The following POLR1C variants were observed in gnomAD, a reference collection of about 807,000 sequenced individuals.
POLR1C encodes DNA-directed RNA polymerases I and III subunit RPAC1.
POLR1C carries 42 observed loss-of-function variants against 38.3 expected under a neutral mutation model. The observed-to-expected ratio is 1.10, with a 90% CI of 0.86 to 1.42. POLR1C has a LOEUF of 1.42. Among genes scored for constraint, POLR1C ranks in the 40% most tolerant of loss-of-function variants. POLR1C has a pLI of 0.00. For synonymous variants in POLR1C, 163 were observed against 163.9 expected (o/e 0.99, Z 0.04); for missense variants, 507 against 450.5 (o/e 1.13, Z -1.14).
intron 9 of POLR1C, among the ~76,000 whole-genome samples, chr6:43,536,619 C>T (rs1029912145): frequency 6.6e-6 from 1 of 150,908 alleles, no homozygotes; most frequent in Non-Finnish European, 1.5e-5. Flanking sequence ...ATTAGCCAGG[C>T]ATGGTGGCAC....
chr6:43,528,335 A>T (rs1793727884), intron 8 of POLR1C: 7 of 845,418 alleles, frequency 8.3e-6, no homozygotes, highest in Non-Finnish European at 1.3e-5. Flanking sequence ...CAACTTCTGT[A>T]GACTCCACAC....
downstream of POLR1C, chr6:43,530,895 A>G (rs1392804813): frequency 4.0e-6 from 6 of 1,512,762 alleles, no homozygotes; most frequent in Non-Finnish European, 5.3e-6. Context: ...CTGTCCCATG[A>G]ATTTCATTTC....
In POLR1C at chr6:43,521,363, C is replaced by G; in HGVS notation, c.*63C>G. ...CTGACTGACCCACCCTACAGGACTG[C>G]TGAACAGAGAGCCCAGTGTGACTAG... On this transcript the variant is annotated 3_prime_UTR_variant, in exon 9 of 9. Coordinates refer to ENST00000642195, the MANE Select transcript of POLR1C (RefSeq NM_203290.4). 1 of 1,610,328 alleles carries G rather than the reference C, an allele frequency of 6.2e-7. No individual in the cohort carries two copies. Among genetic ancestry groups the G allele is most frequent in the South Asian group, 1.1e-5 (1 of 90,450 alleles).
chr6:43,529,044 C>T (rs965479107), intron 8 of POLR1C: 15 of 1,125,714 alleles, frequency 1.3e-5, no homozygotes, highest in Non-Finnish European at 1.8e-5. Context: ...TCAAAAATAT[C>T]CTGTGTTAAC....
At chr6:43,532,501 C>T (rs750683556), downstream of POLR1C, among the ~76,000 whole-genome samples, 2 of 152,204 alleles carry the variant, frequency 1.3e-5, no homozygotes, top group Non-Finnish European at 2.9e-5. Context: ...CTAACTTCAT[C>T]CCACATTCCC....
In POLR1C at chr6:43,536,545, T is replaced by G. The variant is rs552348895; in HGVS notation, c.*4+7186T>G. Among the ~76,000 whole-genome samples the G allele has an allele frequency of 5.3e-5, 8 of 151,306 alleles. No homozygotes were observed. The South Asian group carries it at 1.7e-3, about 32-fold the overall frequency. On this transcript the variant is annotated intron_variant, in intron 9 of 10. Coordinates refer to the POLR1C transcript ENST00000607635. ...AAGCCGAGGTGGGTGGATCACGAGG[T>G]CAGGAGTTCAAGACCAGTCTCTGGC...
downstream of POLR1C, chr6:43,530,809 C>T: frequency 3.7e-6 from 6 of 1,610,422 alleles, no homozygotes; most frequent in Non-Finnish European, 5.1e-6. Flanking sequence ...GGCCTGCCTT[C>T]CCTAGGATAT....
chr6:43,549,796 C>A (rs41281822), intron 9 of POLR1C: 5 of 1,339,976 alleles, frequency 3.7e-6, no homozygotes, highest in Non-Finnish European at 4.2e-6. Context: ...ACCCTTACTA[C>A]CCCCTCCCAT....
downstream of POLR1C, among the ~76,000 whole-genome samples, chr6:43,529,880 C>T (rs2127705731): frequency 6.7e-6 from 1 of 148,152 alleles, no homozygotes; most frequent in South Asian, 2.1e-4. Context: ...CCACTGCATT[C>T]CTGCCTGGGT....
At chr6:43,548,448 T>C (rs776519144) in intron 9 of POLR1C, 1 of 1,565,244 alleles carries the variant, frequency 6.4e-7, no homozygotes, top group Non-Finnish European at 8.7e-7. Flanking sequence ...TTATAAAGCA[T>C]GTCAAAATTG....
intron 9 of POLR1C, chr6:43,539,617 G>A (rs1317629726): frequency 2.6e-5 from 36 of 1,373,790 alleles, no homozygotes; most frequent in South Asian, 1.9e-4. Context: ...TGCCACTGGC[G>A]AAACCTCTGC....
At chr6:43,534,568 C>T (rs916424270), downstream of POLR1C, among the ~76,000 whole-genome samples, 5 of 152,186 alleles carry the variant, frequency 3.3e-5, no homozygotes, top group Non-Finnish European at 7.3e-5. Context: ...TTGATATACC[C>T]GCTGTCCACA....
At chr6:43,541,079 T>G (rs1794666634) in intron 9 of POLR1C, among the ~76,000 whole-genome samples, 4 of 151,976 alleles carry the variant, frequency 2.6e-5, no homozygotes, top group Admixed American at 2.6e-4. Context: ...ATACAGAGTG[T>G]AAGGATGGTT....
At chr6:43,526,496 A>T, downstream of POLR1C, 1 of 620,728 alleles carries the variant, frequency 1.6e-6, no homozygotes. Flanking sequence ...GAGACAGAGG[A>T]AACAGCAAGT....
chr6:43,548,178 C>T, intron 9 of POLR1C: 1 of 1,380,262 alleles, frequency 7.2e-7, no homozygotes, highest in Non-Finnish European at 9.8e-7. Context: ...ATATCCTTAA[C>T]CCCTACCCCA....
chr6:43,539,897 G>A (rs1171871728), intron 9 of POLR1C, among the ~76,000 whole-genome samples: 1 of 152,158 alleles, frequency 6.6e-6, no homozygotes, highest in Admixed American at 6.5e-5. Flanking sequence ...TTTCTATCTT[G>A]TTGAGTTAGA....
At chr6:43,539,679 C>G (rs1040570037) in intron 9 of POLR1C, 4 of 926,264 alleles carry the variant, frequency 4.3e-6, no homozygotes, top group Non-Finnish European at 6.5e-6. Context: ...CCAGGCCCCC[C>G]CACTGCACCG....
chr6:43,552,356 C>T (rs928173210), intron 10 of POLR1C, among the ~76,000 whole-genome samples: 2 of 151,756 alleles, frequency 1.3e-5, no homozygotes, highest in Non-Finnish European at 2.9e-5. Context: ...GCGCCCCACC[C>T]TTTTCTTTTT....
At position 43,528,784 on chromosome 6, in the gene POLR1C, C is replaced by T. The variant is rs1381178209; in HGVS notation, c.923-465C>T. 5.8e-6 allele frequency: 9 copies of T among 1,558,386 alleles called. No individual in the cohort carries two copies. In the African/African-American group the frequency reaches 1.2e-4, roughly 21 times the overall value. ...TGCAAAGCTCAGAAATGGCCAGAGGCCTTAATAGTACTCTTTGCTTCCTGT... is the reference window on the plus strand; with the variant it reads ...TGCAAAGCTCAGAAATGGCCAGAGGTCTTAATAGTACTCTTTGCTTCCTGT... On this transcript the variant is annotated intron_variant, in intron 8 of 8. Coordinates refer to the POLR1C transcript ENST00000304004.
Sources: gnomAD v4.1 joint callset for allele counts (sites outside exome capture counted in the v4.1 genomes callset) on GRCh38, gnomAD v4.1.1 for gene constraint, MANE v1.5 for transcripts, NCBI Gene and HGNC (gene_info 2026-07-23, HGNC 2026-07-21) for gene names.